The following PPP1R9A variants were observed in gnomAD, a reference collection of about 807,000 sequenced individuals.
PPP1R9A encodes the protein neurabin-1.
Under a neutral mutation model 141.9 loss-of-function variants are expected in PPP1R9A, and 59 were observed. That is an observed-to-expected ratio of 0.42 (90% CI 0.34 to 0.52). PPP1R9A has a LOEUF of 0.52. PPP1R9A is among the 20% of genes least tolerant of loss of function. The pLI is 0.10. For missense variants in PPP1R9A, 1,444 were observed against 1,611.9 expected, an observed-to-expected ratio of 0.90 and a Z score of 1.78; for synonymous variants, 500 against 569.7, an observed-to-expected ratio of 0.88 and a Z score of 1.74.
chr7:95,167,852 A>T (rs1831505507), intron 5 of PPP1R9A, among the ~76,000 whole-genome samples: 1 of 152,146 alleles, frequency 6.6e-6, no homozygotes, highest in Non-Finnish European at 1.5e-5. Context: ...AGGAGATGAA[A>T]GACCTTCACA....
chr7:95,116,292 G>T (rs1821502982), intron 3 of PPP1R9A, among the ~76,000 whole-genome samples: 1 of 151,974 alleles, frequency 6.6e-6, no homozygotes, highest in African/African-American at 2.4e-5. Flanking sequence ...AATAAAAGAT[G>T]AAAAGCATCA....
chr7:95,085,692 G>T (rs1412898421), intron 2 of PPP1R9A, among the ~76,000 whole-genome samples: 1 of 152,084 alleles, frequency 6.6e-6, no homozygotes, highest in Non-Finnish European at 1.5e-5. Context: ...TGAGATTACA[G>T]GCATGAGCCA....
At chr7:95,286,416 T>A in intron 18 of PPP1R9A, 91 bp downstream of exon 18, 16 of 1,546,134 alleles carry the variant, frequency 1.0e-5, no homozygotes, top group Non-Finnish European at 1.4e-5. Flanking sequence ...AGGGTAGATA[T>A]TGCATAGAAA....
At chr7:95,006,074 T>C (rs538286736) in intron 2 of PPP1R9A, among the ~76,000 whole-genome samples, 90 of 152,204 alleles carry the variant, frequency 5.9e-4, no homozygotes, top group Non-Finnish European at 1.0e-3. Flanking sequence ...TTAAATGTCT[T>C]AATGTTCTCT....
intron 8 of PPP1R9A, among the ~76,000 whole-genome samples, chr7:95,236,364 A>G (rs1796681351): frequency 6.6e-6 from 1 of 152,070 alleles, no homozygotes; most frequent in Non-Finnish European, 1.5e-5. Flanking sequence ...CACTAACCTT[A>G]TATAAACCAT....
intron 2 of PPP1R9A, among the ~76,000 whole-genome samples, chr7:95,028,248 A>T (rs569132682): frequency 3.0e-4 from 46 of 152,138 alleles, no homozygotes; most frequent in Non-Finnish European, 6.0e-4. Flanking sequence ...GAATATTTTG[A>T]TGATTTTAGA....
chr7:94,996,550 G>A (rs1802193829), intron 2 of PPP1R9A, among the ~76,000 whole-genome samples: 1 of 152,094 alleles, frequency 6.6e-6, no homozygotes, highest in Non-Finnish European at 1.5e-5. Context: ...TCTTACTTGA[G>A]CATCTGTGAG....
intron 2 of PPP1R9A, among the ~76,000 whole-genome samples, chr7:94,995,500 A>AT (rs1019035540): frequency 2.0e-5 from 3 of 150,314 alleles, no homozygotes; most frequent in East Asian, 3.9e-4. Flanking sequence ...TTTATTATAA[A>AT]TTTTTTTTTC....
At position 95,288,729 on chromosome 7, in the gene PPP1R9A, A is replaced by G. The variant is rs768520498; in HGVS notation, c.3912+11A>G. ...GGAAATAAACTTAAGGTAAAGAATT[A>G]TATGTCTGTCTTAGGTTACCAGGTA... On this transcript the variant is annotated intron_variant, in intron 19 of 19. Coordinates refer to ENST00000433360, the MANE Select transcript of PPP1R9A (RefSeq NM_001166160.2). 3.1e-6 allele frequency: 5 copies of G among 1,612,478 alleles called. No homozygotes were observed. In the African/African-American group the frequency reaches 6.7e-5, roughly 22 times the overall value.
chr7:95,014,319 A>G (rs754659263), intron 2 of PPP1R9A, among the ~76,000 whole-genome samples: 3 of 151,942 alleles, frequency 2.0e-5, no homozygotes, highest in Non-Finnish European at 2.9e-5. Flanking sequence ...TTCGTCTTTT[A>G]TGATACTGAC....
intron 2 of PPP1R9A, among the ~76,000 whole-genome samples, chr7:95,076,321 T>A (rs537241809): frequency 6.6e-6 from 1 of 152,214 alleles, no homozygotes; most frequent in Non-Finnish European, 1.5e-5. Flanking sequence ...CTTCACAGAC[T>A]CACATGGTGA....
chr7:95,028,553 T>A (rs1349766590), intron 2 of PPP1R9A, among the ~76,000 whole-genome samples: 2 of 152,158 alleles, frequency 1.3e-5, no homozygotes, highest in South Asian at 4.1e-4. Flanking sequence ...AGAAATCGTG[T>A]GATGGAATAA....
intron 2 of PPP1R9A, among the ~76,000 whole-genome samples, chr7:95,099,512 C>T (rs1480622453): frequency 2.6e-5 from 4 of 152,154 alleles, no homozygotes; most frequent in South Asian, 2.1e-4. Context: ...AGTGGAATTT[C>T]CCAGTTCTCT....
At chr7:94,923,840 G>T (rs1159083332) in intron 2 of PPP1R9A, among the ~76,000 whole-genome samples, 2 of 152,120 alleles carry the variant, frequency 1.3e-5, no homozygotes, top group African/African-American at 2.4e-5. Flanking sequence ...ATTGCTTTTT[G>T]TTTAATGAGA....
Position 95,293,105 on chromosome 7 carries a change from G to A in PPP1R9A, c.*2802G>A, listed in dbSNP as rs2116186189. On this transcript the variant is annotated 3_prime_UTR_variant, in exon 20 of 20. Coordinates refer to ENST00000433360, the MANE Select transcript of PPP1R9A (RefSeq NM_001166160.2). ...TTCTAACAATAGCCAAAAGTGTTTT[G>A]GGGTATAGGTTATGCTTTGTTGGGA... 1 of 152,266 alleles carries A rather than the reference G, an allele frequency of 6.6e-6. No individual in the cohort carries two copies. Among genetic ancestry groups the A allele is most frequent in the Non-Finnish European group, 1.5e-5 (1 of 68,028 alleles). The allele number at this position is 152,266 out of a possible 1,614,324, so 9.4% of individuals were successfully genotyped here. A position where few individuals can be genotyped will look rare whatever the true frequency, so the allele number is the denominator to read the frequency against.
chr7:95,049,272 T>A (rs2151974664), intron 2 of PPP1R9A, among the ~76,000 whole-genome samples: 1 of 152,298 alleles, frequency 6.6e-6, no homozygotes, highest in South Asian at 2.1e-4. Flanking sequence ...TTCCAATTTG[T>A]TTATTTTGGA....
rs143543027 is a variant in PPP1R9A at position 95,096,090 on chromosome 7, A to T, written c.1396-15169A>T. Among the ~76,000 whole-genome samples, 604 of 152,234 alleles carry T rather than the reference A, an allele frequency of 4.0e-3. 23 individuals carry two copies. Among genetic ancestry groups the T allele is most frequent in the East Asian group, 0.038 (195 of 5,176 alleles). ...TGTGCAACCTTTGTTTTATTATTTG[A>T]CTCTTACAGATAGTGCTAAACCTCA... On this transcript the variant is annotated intron_variant, in intron 2 of 19. Transcript: ENST00000433360.
chr7:95,131,400 A>G lies in PPP1R9A; in HGVS notation c.1649+10568A>G, dbSNP rs573883164. 2.6e-5 allele frequency among the ~76,000 whole-genome samples: 4 copies of G among 152,240 alleles called. No homozygotes were observed. In the East Asian group the frequency reaches 5.8e-4, roughly 22 times the overall value. On this transcript the variant is annotated intron_variant, in intron 4 of 19. Coordinates refer to ENST00000433360, the MANE Select transcript of PPP1R9A (RefSeq NM_001166160.2). ...ACCTTTTTCCTTTATAAATTACCCAATCTTTGATATGTCTTAATCAGCAGC... is the reference window on the plus strand; with the variant it reads ...ACCTTTTTCCTTTATAAATTACCCAGTCTTTGATATGTCTTAATCAGCAGC...
At chr7:95,044,732 A>AAT (rs1236816709) in intron 2 of PPP1R9A, among the ~76,000 whole-genome samples, 1 of 134,286 alleles carries the variant, frequency 7.4e-6, no homozygotes, top group East Asian at 2.0e-4. Context: ...ATATATATAT[A>AAT]ATATATATAT....
Sources: allele counts gnomAD v4.1 joint callset (sites outside exome capture counted in the v4.1 genomes callset), GRCh38; gene constraint gnomAD v4.1.1; transcripts MANE v1.5; gene names NCBI Gene and HGNC (gene_info 2026-07-23, HGNC 2026-07-21).